Variants in CACNA2D1 observed in about 807,000 individuals in gnomAD.
The protein encoded by CACNA2D1 is calcium voltage-gated channel auxiliary subunit alpha2delta 1, also known as voltage-dependent calcium channel subunit alpha-2/delta-1.
A neutral mutation model predicts 171.5 loss-of-function variants in CACNA2D1; 53 were observed. The ratio of observed to expected loss-of-function variants is 0.31; its 90% confidence interval spans 0.25 to 0.39. CACNA2D1 has a LOEUF of 0.39. CACNA2D1 is among the 10% of genes least tolerant of loss of function. The probability of loss-of-function intolerance (pLI) is 1.00; values close to 1 mark genes in which losing one functional copy is unlikely to be tolerated. For synonymous variants in CACNA2D1, 442 were observed against 443.1 expected, an observed-to-expected ratio of 1.00 and a Z score of 0.03; for missense variants, 903 against 1,299.8, an observed-to-expected ratio of 0.69 and a Z score of 4.69.
chr7:82,325,069 C>T (rs1428630179), intron 3 of CACNA2D1, among the ~76,000 whole-genome samples: 4 of 152,206 alleles, frequency 2.6e-5, no homozygotes, highest in African/African-American at 9.6e-5. Flanking sequence ...ACCTGCACTA[C>T]ATTTCAAGGC....
At chr7:82,044,883 G>T (rs960809891) in intron 10 of CACNA2D1, among the ~76,000 whole-genome samples, 2 of 152,100 alleles carry the variant, frequency 1.3e-5, no homozygotes, top group Non-Finnish European at 2.9e-5. Context: ...GGATAAAATA[G>T]CTGATAACAT....
At chr7:82,248,732 A>G (rs1256463578) in intron 3 of CACNA2D1, among the ~76,000 whole-genome samples, 1 of 152,022 alleles carries the variant, frequency 6.6e-6, no homozygotes, top group African/African-American at 2.4e-5. Flanking sequence ...CTATAGTACC[A>G]TTGGGGAAGA....
At chr7:82,053,239 G>A (rs1367349324) in intron 10 of CACNA2D1, among the ~76,000 whole-genome samples, 43 of 121,638 alleles carry the variant, frequency 3.5e-4, no homozygotes, top group Admixed American at 6.5e-4. Flanking sequence ...GTGACAGAGC[G>A]AGACTCCGTC....
At chr7:82,330,107 G>C (rs1343189903) in intron 3 of CACNA2D1, among the ~76,000 whole-genome samples, 1 of 151,680 alleles carries the variant, frequency 6.6e-6, no homozygotes, top group East Asian at 1.9e-4. Flanking sequence ...CAAAGAGATA[G>C]CAACTAAAAG....
At chr7:81,968,133 G>A (rs1236441103) in intron 29 of CACNA2D1, among the ~76,000 whole-genome samples, 1 of 151,380 alleles carries the variant, frequency 6.6e-6, no homozygotes, top group Non-Finnish European at 1.5e-5. Flanking sequence ...GTGAATGAAG[G>A]AATAGGTAAG....
rs551747352 is a variant in CACNA2D1 at position 82,401,219 on chromosome 7, G to T, written c.95+42146C>A. On this transcript the variant is annotated intron_variant, in intron 1 of 38. Coordinates refer to ENST00000356860, the MANE Select transcript of CACNA2D1 (RefSeq NM_000722.4). ...TCCCATTACTGGGTATATACCCAAA[G>T]GACTATAAATCATGCTGCTATAAAG... 4.6e-3 allele frequency among the ~76,000 whole-genome samples: 702 copies of T among 152,214 alleles called. 4 individuals carry two copies. Among genetic ancestry groups the T allele is most frequent in the African/African-American group, 0.014 (582 of 41,512 alleles).
chr7:82,100,407 C>A (rs1053408462), intron 6 of CACNA2D1, among the ~76,000 whole-genome samples: 3 of 151,968 alleles, frequency 2.0e-5, no homozygotes, highest in Non-Finnish European at 2.9e-5. Context: ...TATAATAAAT[C>A]ATTCACAGGT....
chr7:82,369,940 G>A (rs1252927755), intron 1 of CACNA2D1, among the ~76,000 whole-genome samples: 2 of 152,060 alleles, frequency 1.3e-5, no homozygotes, highest in African/African-American at 2.4e-5. Flanking sequence ...TAAATTAACA[G>A]ATGATGGCAA....
chr7:82,346,722 C>A (rs1375648043), intron 2 of CACNA2D1, among the ~76,000 whole-genome samples: 1 of 151,696 alleles, frequency 6.6e-6, no homozygotes, highest in African/African-American at 2.4e-5. Flanking sequence ...TGGAAATATT[C>A]AAGAGTAGAT....
intron 7 of CACNA2D1, among the ~76,000 whole-genome samples, chr7:82,069,001 T>C (rs1289451232): frequency 6.6e-6 from 1 of 152,196 alleles, no homozygotes; most frequent in Non-Finnish European, 1.5e-5. Flanking sequence ...AAAATATTAA[T>C]AATCTTCTCT....
intron 2 of CACNA2D1, among the ~76,000 whole-genome samples, chr7:82,342,265 A>G (rs946312947): frequency 6.6e-5 from 10 of 152,082 alleles, no homozygotes; most frequent in African/African-American, 2.4e-4. Flanking sequence ...TGTGATGTTT[A>G]TTGAGTATTT....
intron 5 of CACNA2D1, 129 bp downstream of exon 5, chr7:82,136,502 TCTAA>T: frequency 1.6e-6 from 1 of 624,868 alleles, no homozygotes; most frequent in Non-Finnish European, 2.8e-6. Flanking sequence ...TTATCTCGTA[TCTAA>T]CTAGTATTTT....
Position 82,060,189 on chromosome 7 carries a change from AT to A in CACNA2D1, c.879+238del, listed in dbSNP as rs1334041838. Among the ~76,000 whole-genome samples, 24 of 11,638 alleles carry A rather than the reference AT, an allele frequency of 2.1e-3. 4 individuals carry two copies. The highest frequency in any genetic ancestry group is 3.2e-3 in the South Asian group (1 of 308). 7.6% of individuals were successfully genotyped at this position (11,638 alleles called of 152,430 possible). ...TAATATATATATATAATATATATAT[AT>A]TATATATATATTATATATATAATAT... On this transcript the variant is annotated intron_variant, in intron 10 of 38. Coordinates refer to ENST00000356860, the MANE Select transcript of CACNA2D1 (RefSeq NM_000722.4).
chr7:81,984,811 C>T, intron 21 of CACNA2D1, 100 bp from the exon 22 acceptor site: 1 of 720,350 alleles, frequency 1.4e-6, no homozygotes, highest in Admixed American at 2.1e-5. Flanking sequence ...GAAAGATCTT[C>T]CTCATGGGAA....
chr7:82,040,280 A>G (rs1308826721), intron 10 of CACNA2D1, among the ~76,000 whole-genome samples: 1 of 152,122 alleles, frequency 6.6e-6, no homozygotes, highest in African/African-American at 2.4e-5. Flanking sequence ...CTGGAAGGAT[A>G]GAGGACTGGA....
intron 2 of CACNA2D1, among the ~76,000 whole-genome samples, chr7:82,344,167 A>G (rs958963984): frequency 2.0e-5 from 3 of 152,206 alleles, no homozygotes; most frequent in Non-Finnish European, 4.4e-5. Context: ...CTATGCCAAC[A>G]GTATGCACGT....
intron 23 of CACNA2D1, chr7:81,982,894 C>T (rs1796584039): frequency 1.8e-6 from 1 of 547,884 alleles, no homozygotes; most frequent in Non-Finnish European, 3.2e-6. Flanking sequence ...TGATCTAACC[C>T]TACTATAACC....
At chr7:81,955,413 C>T (rs1409474525) in intron 38 of CACNA2D1, among the ~76,000 whole-genome samples, 1 of 152,052 alleles carries the variant, frequency 6.6e-6, no homozygotes, top group East Asian at 1.9e-4. Flanking sequence ...TTTTTTTCAA[C>T]TTAATTGTTT....
chr7:82,053,566 C>T (rs1805469780), intron 10 of CACNA2D1, among the ~76,000 whole-genome samples: 1 of 151,920 alleles, frequency 6.6e-6, no homozygotes, highest in Non-Finnish European at 1.5e-5. Context: ...AAATAAGTAA[C>T]CAAAACTAAT....
Sources: allele counts gnomAD v4.1 joint callset (sites outside exome capture counted in the v4.1 genomes callset), GRCh38; gene constraint gnomAD v4.1.1; transcripts MANE v1.5; gene names NCBI Gene and HGNC (gene_info 2026-07-23, HGNC 2026-07-21).